TRIP12: variants seen among roughly 807,000 people sequenced by gnomAD.
TRIP12 encodes thyroid hormone receptor interactor 12.
In TRIP12, 25 loss-of-function variants were observed where a neutral mutation model predicts 244.2. The ratio of observed to expected loss-of-function variants is 0.10; its 90% CI spans 0.07 to 0.14. TRIP12 has a LOEUF of 0.14. TRIP12 is among the 10% of genes least tolerant of loss of function. The pLI is 1.00. For missense variants in TRIP12, 1,677 were observed against 2,486.4 expected, an observed-to-expected ratio of 0.67 and a Z score of 6.92; for synonymous variants, 905 against 873.1, an observed-to-expected ratio of 1.04 and a Z score of -0.64.
At chr2:229,837,317 C>A (rs2055091087) in intron 5 of TRIP12, among the ~76,000 whole-genome samples, 1 of 152,170 alleles carries the variant, frequency 6.6e-6, no homozygotes, top group Admixed American at 6.5e-5. Flanking sequence ...TAGAGCATCA[C>A]TTCCAGGGTA....
At chr2:229,911,659 A>G (rs1434653344) in intron 1 of TRIP12, among the ~76,000 whole-genome samples, 1 of 152,202 alleles carries the variant, frequency 6.6e-6, no homozygotes, top group Non-Finnish European at 1.5e-5. Flanking sequence ...ACTACTATAC[A>G]TTGTATGTAT....
chr2:229,855,347 A>G (rs148499844), intron 4 of TRIP12, among the ~76,000 whole-genome samples: 2 of 152,328 alleles, frequency 1.3e-5, no homozygotes, highest in Non-Finnish European at 2.9e-5. Flanking sequence ...CATGTAAGGT[A>G]TTCAGAACTG....
intron 34 of TRIP12, among the ~76,000 whole-genome samples, chr2:229,780,623 C>T (rs1334335544): frequency 6.6e-6 from 1 of 152,090 alleles, no homozygotes; most frequent in Non-Finnish European, 1.5e-5. Context: ...CACTCATCCT[C>T]CAACAGGCTA....
chr2:229,789,846 G>A (rs1229624360), intron 30 of TRIP12, 84 bp from the exon 31 acceptor site: 2 of 1,453,558 alleles, frequency 1.4e-6, no homozygotes, highest in African/African-American at 2.8e-5. Flanking sequence ...ATCGCTAAAA[G>A]AGTAACAGAA....
intron 4 of TRIP12, among the ~76,000 whole-genome samples, chr2:229,857,419 C>A (rs1200157740): frequency 6.6e-6 from 1 of 151,898 alleles, no homozygotes; most frequent in Non-Finnish European, 1.5e-5. Context: ...GATCACTTGT[C>A]CCAGTTCAAG....
chr2:229,860,280 G>C, intron 3 of TRIP12, 126 bp downstream of exon 3: 1 of 1,229,702 alleles, frequency 8.1e-7, no homozygotes, highest in Non-Finnish European at 1.1e-6. Flanking sequence ...AATCCTAAAA[G>C]TTACTTAGAG....
At chr2:229,887,527 G>C (rs1172547729) in intron 1 of TRIP12, among the ~76,000 whole-genome samples, 1 of 152,132 alleles carries the variant, frequency 6.6e-6, no homozygotes, top group Non-Finnish European at 1.5e-5. Context: ...ACAGATCTAA[G>C]GGTAGATGAG....
intron 22 of TRIP12, 78 bp downstream of exon 22, chr2:229,799,205 G>C (rs1002149665): frequency 6.5e-7 from 1 of 1,538,512 alleles, no homozygotes; most frequent in Admixed American, 1.7e-5. Flanking sequence ...AGAGCTACTG[G>C]CAGTTTTAAT....
Position 229,909,388 on chromosome 2 carries a change from C to CA in TRIP12, c.-50+12491dup, listed in dbSNP as rs1304379037. 3.3e-3 allele frequency among the ~76,000 whole-genome samples: 474 copies of CA among 141,498 alleles called. 2 individuals are homozygous for CA. The highest frequency in any genetic ancestry group is 0.011 in the African/African-American group (423 of 38,284). The allele number at this position is 141,498 out of a possible 152,430, so 92.8% of individuals were successfully genotyped here. ...TAGGGACACCCTGGCTCCACACACACAAAAAAAAAAAATTAAAATATTAGC... is the reference window on the plus strand; with the variant it reads ...TAGGGACACCCTGGCTCCACACACACAAAAAAAAAAAAATTAAAATATTAGC... On this transcript the variant is annotated intron_variant, in intron 1 of 41. Coordinates refer to ENST00000675903, the MANE Select transcript of TRIP12 (RefSeq NM_001348323.3).
At chr2:229,779,808 A>G (rs1213265768) in intron 34 of TRIP12, among the ~76,000 whole-genome samples, 1 of 152,154 alleles carries the variant, frequency 6.6e-6, no homozygotes, top group South Asian at 2.1e-4. Flanking sequence ...GTGCAGCCTA[A>G]AGTGAAACTA....
chr2:229,799,173 C>T (rs887585519), intron 22 of TRIP12, 110 bp downstream of exon 22: 1 of 1,508,980 alleles, frequency 6.6e-7, no homozygotes, highest in African/African-American at 1.4e-5. Context: ...ACTTAGTCCT[C>T]AGGAAACTTA....
At chr2:229,864,047 A>AGAGAGAGAGAGAGAGAGAGAGTGAGTGT in intron 2 of TRIP12, among the ~76,000 whole-genome samples, 2 of 79,292 alleles carry the variant, frequency 2.5e-5, no homozygotes, top group Non-Finnish European at 5.1e-5. Context: ...AGAGAGAGAG[A>AGAGAGAGAGAGAGAGAGAGAGTGAGTGT]GTGTGTGTGT....
At chr2:229,788,756 G>GT (rs1443972918) in intron 32 of TRIP12, 42 bp downstream of exon 32, 4 of 1,598,596 alleles carry the variant, frequency 2.5e-6, no homozygotes, top group Non-Finnish European at 3.4e-6. Flanking sequence ...GACCAACCCA[G>GT]TAACATTTCC....
In TRIP12 at chr2:229,778,818, C is replaced by T. The variant is rs1375216530; in HGVS notation, c.5209+58G>A. The T allele has an allele frequency of 6.7e-7, 1 of 1,482,096 alleles. No homozygotes were observed. Among genetic ancestry groups the T allele is most frequent in the African/African-American group, 1.4e-5 (1 of 71,868 alleles). The allele number at this position is 1,482,096 out of a possible 1,614,324, so 91.8% of individuals were successfully genotyped here. A position where few individuals can be genotyped will look rare whatever the true frequency, so the allele number is the denominator to read the frequency against. On this transcript the variant is annotated intron_variant, in intron 35 of 41. Coordinates refer to ENST00000675903, the MANE Select transcript of TRIP12 (RefSeq NM_001348323.3). The surrounding 1 kb of genome is among the most constrained non-coding windows in gnomAD (Gnocchi z 4.1). ...AAATTAAATATGTCTAATAAACTGT[C>T]AGAGTCCATTACCTGATCTGAGTAA...
At chr2:229,768,526 T>TA (rs1445695138) in intron 41 of TRIP12, 90 bp downstream of exon 41, 9 of 1,188,304 alleles carry the variant, frequency 7.6e-6, no homozygotes, top group South Asian at 1.4e-5. Context: ...GCAAGTGAGA[T>TA]AAAGAATCTC....
chr2:229,843,909 G>A (rs935677329), intron 4 of TRIP12, among the ~76,000 whole-genome samples: 1 of 151,202 alleles, frequency 6.6e-6, no homozygotes, highest in African/African-American at 2.4e-5. Flanking sequence ...GAAGGGAGGG[G>A]AGAAGAAAGG....
At chr2:229,860,146 C>T (rs1482706180) in intron 3 of TRIP12, among the ~76,000 whole-genome samples, 2 of 151,838 alleles carry the variant, frequency 1.3e-5, no homozygotes, top group African/African-American at 2.4e-5. Flanking sequence ...TAAAAAATGG[C>T]CATAATGGTT....
At chr2:229,900,825 G>A (rs1477823845) in intron 1 of TRIP12, 2 of 150,898 alleles carry the variant, frequency 1.3e-5, no homozygotes, top group Non-Finnish European at 2.9e-5. Context: ...CCGCGCCACT[G>A]CACTCCAGCC....
intron 1 of TRIP12, among the ~76,000 whole-genome samples, chr2:229,902,673 G>T (rs1337697542): frequency 1.3e-5 from 2 of 152,118 alleles, no homozygotes; most frequent in Non-Finnish European, 2.9e-5. Flanking sequence ...AATCTTATGG[G>T]TATTAATTTT....
Sources: gnomAD v4.1 joint callset for allele counts (sites outside exome capture counted in the v4.1 genomes callset) on GRCh38, gnomAD v4.1.1 for gene constraint, Gnocchi (gnomAD v3.1) non-coding constraint, MANE v1.5 for transcripts, NCBI Gene and HGNC (gene_info 2026-07-23, HGNC 2026-07-21) for gene names.